MIB1: variants seen among roughly 807,000 people sequenced by gnomAD.
MIB1 encodes MIB E3 ubiquitin protein ligase 1, also known as E3 ubiquitin-protein ligase MIB1.
MIB1 carries 278 observed loss-of-function variants against 124.5 expected under a neutral mutation model. That is an observed-to-expected ratio of 2.23 (90% CI 2.02 to 2.47). MIB1 has a LOEUF of 2.47. Ranked by LOEUF, MIB1 falls within the 30% of genes most tolerant of loss-of-function variation. The pLI is 0.00. For missense variants in MIB1, 957 were observed against 1,254.4 expected, an observed-to-expected ratio of 0.76 and a Z score of 3.58; for synonymous variants, 446 against 429.4, an observed-to-expected ratio of 1.04 and a Z score of -0.48.
rs563710709 is a variant in MIB1, at chr18:21,766,014, A to T, written c.401+71A>T. On this transcript the variant is annotated intron_variant, in intron 2 of 20. Transcript: ENST00000261537. Reference sequence around the variant, plus strand: ...TTCAAGTTATGTACTTCTGGGCCTTAAAAATAGGATTAGCAAATAGCTTCT... The same window carrying T: ...TTCAAGTTATGTACTTCTGGGCCTTTAAAATAGGATTAGCAAATAGCTTCT... The T allele has an allele frequency of 1.6e-3, 2,341 of 1,436,398 alleles. 1 individual carries two copies. Among genetic ancestry groups the T allele is most frequent in the Non-Finnish European group, 2.2e-3 (2,244 of 1,025,996 alleles). 89.0% of individuals were successfully genotyped at this position (1,436,398 alleles called of 1,614,324 possible).
At chr18:21,813,935 G>A (rs1391567545) in intron 10 of MIB1, among the ~76,000 whole-genome samples, 1 of 152,128 alleles carries the variant, frequency 6.6e-6, no homozygotes, top group Non-Finnish European at 1.5e-5. Context: ...TGCAGTATTG[G>A]AATAAATGCA....
chr18:21,803,862 C>T lies in MIB1; in HGVS notation c.1372-45C>T, dbSNP rs199833179. The T allele has an allele frequency of 2.1e-5, 30 of 1,426,418 alleles. No homozygotes were observed. The East Asian group carries it at 4.2e-4, about 20-fold the overall frequency. The allele number at this position is 1,426,418 out of a possible 1,614,324, so 88.4% of individuals were successfully genotyped here. On this transcript the variant is annotated intron_variant, in intron 9 of 20. Transcript: ENST00000261537. ...CACCGTATGTATATATTGCCTGTTT[C>T]TGATTATTCATTCATTCTTTCATTC... is the stretch of plus-strand genomic sequence containing the variant.
intron 1 of MIB1, among the ~76,000 whole-genome samples, chr18:21,758,966 T>C (rs2041066031): frequency 6.6e-6 from 1 of 152,122 alleles, no homozygotes; most frequent in Non-Finnish European, 1.5e-5. Flanking sequence ...ACATAACATT[T>C]AATGTATACA....
At chr18:21,820,438 G>A (rs574771235) in intron 12 of MIB1, among the ~76,000 whole-genome samples, 1 of 152,076 alleles carries the variant, frequency 6.6e-6, no homozygotes, top group African/African-American at 2.4e-5. Flanking sequence ...TTTATATCAT[G>A]TTTCCTTTAG....
intron 1 of MIB1, among the ~76,000 whole-genome samples, chr18:21,706,080 T>C (rs530152915): frequency 2.0e-5 from 3 of 148,942 alleles, no homozygotes; most frequent in South Asian, 2.1e-4. Flanking sequence ...TTGTTCTGTT[T>C]TGTTTTGTTT....
chr18:21,831,121 CAAAA>C (rs2041976759), intron 12 of MIB1: 1 of 137,692 alleles, frequency 7.3e-6, no homozygotes, highest in Non-Finnish European at 1.6e-5. Context: ...AAAAAAAAAA[CAAAA>C]ACAGAACCCA....
chr18:21,804,706 T>C (rs1385032919), intron 10 of MIB1, among the ~76,000 whole-genome samples: 3 of 152,204 alleles, frequency 2.0e-5, no homozygotes, highest in African/African-American at 7.2e-5. Flanking sequence ...TTCTAGCAAA[T>C]TTAAATTAGG....
intron 4 of MIB1, among the ~76,000 whole-genome samples, chr18:21,776,184 G>A (rs1400690836): frequency 2.0e-5 from 3 of 151,158 alleles, no homozygotes; most frequent in African/African-American, 4.9e-5. Flanking sequence ...GGAAGTAGAA[G>A]GATCACTTGA....
intron 10 of MIB1, among the ~76,000 whole-genome samples, chr18:21,806,994 C>T (rs1256807852): frequency 1.4e-4 from 21 of 152,122 alleles, no homozygotes; most frequent in Admixed American, 1.4e-3. Flanking sequence ...TTACCATATT[C>T]CTCATTTGGA....
At chr18:21,709,510 C>T (rs1005859420) in intron 1 of MIB1, among the ~76,000 whole-genome samples, 1 of 152,130 alleles carries the variant, frequency 6.6e-6, no homozygotes, top group Admixed American at 6.6e-5. Flanking sequence ...AATGGATTAT[C>T]CCTGCTTCTT....
intron 9 of MIB1, 129 bp from the exon 10 acceptor site, chr18:21,803,778 A>G: frequency 1.6e-6 from 1 of 616,876 alleles, no homozygotes. Context: ...ACTATGATAT[A>G]TGGAACACCA....
At chr18:21,831,863 G>A (rs1163675753) in intron 12 of MIB1, among the ~76,000 whole-genome samples, 1 of 152,176 alleles carries the variant, frequency 6.6e-6, no homozygotes, top group African/African-American at 2.4e-5. Flanking sequence ...TGGAACAAGT[G>A]AAGTCCCTCT....
In MIB1 at chr18:21,868,910, G is replaced by A. The variant is rs1018362317; in HGVS notation, c.*4244G>A. ...ACTGGTTAGTAGTATGTGAAACTCT[G>A]GTATAAAAACGTAAACTAGACAGTA... On this transcript the variant is annotated 3_prime_UTR_variant, in exon 21 of 21. Coordinates refer to ENST00000261537, the MANE Select transcript of MIB1 (RefSeq NM_020774.4). The A allele has an allele frequency of 2.6e-5, 4 of 152,228 alleles. No individual in the cohort carries two copies. The highest frequency in any genetic ancestry group is 9.7e-5 in the African/African-American group (4 of 41,346). The allele number at this position is 152,228 out of a possible 1,614,324, so 9.4% of individuals were successfully genotyped here.
In MIB1 at chr18:21,869,977, C is replaced by T. The variant is rs45461894; in HGVS notation, c.*5311C>T. ...AATTCAATGATAGCAGTTCAATTGA[C>T]TCATAGCAGTGTTTTGTATTTTTTC... On this transcript the variant is annotated 3_prime_UTR_variant, in exon 21 of 21. Transcript: ENST00000261537. The T allele has an allele frequency of 2.9e-3, 439 of 152,428 alleles. 2 individuals are homozygous for T. The highest frequency in any genetic ancestry group is 5.3e-3 in the Non-Finnish European group (357 of 67,908). 9.4% of individuals were successfully genotyped at this position (152,428 alleles called of 1,614,324 possible).
In MIB1 at chr18:21,865,684, C is replaced by T. The variant is rs1448822867; in HGVS notation, c.*1018C>T. The T allele has an allele frequency of 6.6e-6, 1 of 152,566 alleles. No individual in the cohort carries two copies. Among genetic ancestry groups the T allele is most frequent in the Non-Finnish European group, 1.5e-5 (1 of 68,030 alleles). 9.5% of individuals were successfully genotyped at this position (152,566 alleles called of 1,614,324 possible). A position where few individuals can be genotyped will look rare whatever the true frequency, so the allele number is the denominator to read the frequency against. On this transcript the variant is annotated 3_prime_UTR_variant, in exon 21 of 21. Coordinates refer to ENST00000261537, the MANE Select transcript of MIB1 (RefSeq NM_020774.4). ...TCTTCTCTGTATCAGTTAATTCTGA[C>T]AGTGTTAGTGATTCTGTCTTCATTA...
chr18:21,835,788 T>A (rs866652982), intron 12 of MIB1, among the ~76,000 whole-genome samples: 6,119 of 104,554 alleles, frequency 0.059, 209 homozygotes, highest in Non-Finnish European at 0.071. Context: ...AAAAAAAATA[T>A]ATATATATAT....
chr18:21,791,637 T>G, intron 7 of MIB1, 80 bp downstream of exon 7: 3 of 1,163,184 alleles, frequency 2.6e-6, no homozygotes, highest in Non-Finnish European at 3.6e-6. Context: ...ATGTAGAAAT[T>G]AAATTGGCAT....
intron 1 of MIB1, among the ~76,000 whole-genome samples, chr18:21,757,189 C>T (rs534898231): frequency 3.9e-5 from 6 of 151,906 alleles, no homozygotes; most frequent in Admixed American, 1.3e-4. Flanking sequence ...CGGTGGCTCA[C>T]GCCTGTAATC....
intron 4 of MIB1, 55 bp from the exon 5 acceptor site, chr18:21,778,048 A>G: frequency 8.4e-7 from 1 of 1,193,652 alleles, no homozygotes; most frequent in Non-Finnish European, 1.3e-6. Flanking sequence ...TGTTTCAGAT[A>G]CTGAGCCATA....
Sources: gnomAD v4.1 joint callset for allele counts (sites outside exome capture counted in the v4.1 genomes callset) on GRCh38, gnomAD v4.1.1 for gene constraint, MANE v1.5 for transcripts, NCBI Gene and HGNC (gene_info 2026-07-23, HGNC 2026-07-21) for gene names.